AMMECR1: variants seen among roughly 807,000 people sequenced by gnomAD.
AMMECR1 encodes nuclear protein AMMECR1.
In AMMECR1, 3 loss-of-function variants were observed where a neutral mutation model predicts 22.5. The observed-to-expected ratio is 0.13, with a 90% CI of 0.06 to 0.35. AMMECR1 has a LOEUF of 0.35. Ranked by LOEUF, AMMECR1 falls within the 10% of genes least tolerant of loss-of-function variation. AMMECR1 has a pLI of 1.00. For synonymous variants in AMMECR1, 130 were observed against 116.7 expected, an observed-to-expected ratio of 1.11 and a Z score of -0.74; for missense variants, 235 against 278.7, an observed-to-expected ratio of 0.84 and a Z score of 1.12.
intron 3 of AMMECR1, among the ~76,000 whole-genome samples, chrX:110,203,585 C>T (rs994245213): frequency 3.6e-5 from 4 of 111,284 alleles, no homozygotes; most frequent in African/African-American, 1.3e-4. Context: ...AGTGGAGGGT[C>T]AGGTTGTGCA....
Position 110,264,865 on chromosome X carries a change from C to T in AMMECR1, c.474-266G>A, listed in dbSNP as rs190669242. 1.8e-3 allele frequency among the ~76,000 whole-genome samples: 205 copies of T among 111,525 alleles called. 1 individual carries two copies. The highest frequency in any genetic ancestry group is 6.4e-3 in the African/African-American group (198 of 30,734). ...ATTATGTTAGTCTTCATCAACAATTCTAGGAGGCTGATACTAACATTCCTA... is the reference window on the plus strand; with the variant it reads ...ATTATGTTAGTCTTCATCAACAATTTTAGGAGGCTGATACTAACATTCCTA... On this transcript the variant is annotated intron_variant, in intron 1 of 5. Coordinates refer to ENST00000262844, the MANE Select transcript of AMMECR1 (RefSeq NM_015365.3).
At chrX:110,429,467 T>G (rs1296173064) in intron 1 of AMMECR1, among the ~76,000 whole-genome samples, 18 of 79,949 alleles carry the variant, frequency 2.3e-4, no homozygotes, top group African/African-American at 6.1e-4. Context: ...TGTTTTTTTT[T>G]TTTTTTGTTT....
intron 2 of AMMECR1, among the ~76,000 whole-genome samples, chrX:110,254,418 G>A (rs1401732645): frequency 1.8e-5 from 2 of 111,283 alleles, no homozygotes; most frequent in African/African-American, 6.5e-5. Context: ...ATGTACATTA[G>A]TTTCAACTAT....
chrX:110,304,919 T>C (rs1239011202), intron 1 of AMMECR1, among the ~76,000 whole-genome samples: 1 of 112,199 alleles, frequency 8.9e-6, no homozygotes, highest in Non-Finnish European at 1.9e-5. Flanking sequence ...TTTCCATCTA[T>C]GAAAGTTCTA....
chrX:110,198,293 C>T lies in AMMECR1; in HGVS notation c.*227G>A. The T allele has an allele frequency of 4.2e-6, 1 of 239,450 alleles. No individual in the cohort carries two copies. Among genetic ancestry groups the T allele is most frequent in the East Asian group, 6.2e-5 (1 of 16,132 alleles). 19.7% of individuals were successfully genotyped at this position (239,450 alleles called of 1,213,427 possible). ...AAAAAACCCAAAATTATATATGCTG[C>T]AAAAAAAAAATCAACGATCTAAAAT... is the stretch of plus-strand genomic sequence containing the variant. On this transcript the variant is annotated 3_prime_UTR_variant, in exon 6 of 6. Transcript: ENST00000262844.
At chrX:110,223,448 C>T (rs1006889207) in intron 2 of AMMECR1, among the ~76,000 whole-genome samples, 5 of 111,537 alleles carry the variant, frequency 4.5e-5, no homozygotes, top group African/African-American at 1.6e-4. Context: ...GCTCTCGAGG[C>T]CTTGGCAAGA....
At chrX:110,342,250 A>G (rs1289576253) in intron 2 of AMMECR1, among the ~76,000 whole-genome samples, 1 of 111,997 alleles carries the variant, frequency 8.9e-6, no homozygotes, top group Non-Finnish European at 1.9e-5. Context: ...GTACAGTACT[A>G]TTTGCCATTT....
intron 2 of AMMECR1, among the ~76,000 whole-genome samples, chrX:110,384,727 C>T (rs1346512889): frequency 9.0e-6 from 1 of 110,762 alleles, no homozygotes; most frequent in Non-Finnish European, 1.9e-5. Context: ...GGCTGAGTCA[C>T]TATAAGAGCT....
At chrX:110,425,750 C>T (rs2068748575) in intron 2 of AMMECR1, among the ~76,000 whole-genome samples, 1 of 112,273 alleles carries the variant, frequency 8.9e-6, no homozygotes, top group Admixed American at 9.4e-5. Context: ...AAGTCATTTG[C>T]TCAAGATCAT....
At chrX:110,343,452 T>C (rs1227622531) in intron 2 of AMMECR1, among the ~76,000 whole-genome samples, 1 of 111,231 alleles carries the variant, frequency 9.0e-6, no homozygotes, top group East Asian at 2.8e-4. Context: ...ATGCCCTCTC[T>C]CACCACTCCT....
chrX:110,424,033 C>T (rs1040180778), intron 2 of AMMECR1, among the ~76,000 whole-genome samples: 1 of 111,662 alleles, frequency 9.0e-6, no homozygotes, highest in Non-Finnish European at 1.9e-5. Flanking sequence ...CTATGATATG[C>T]TTTATATACC....
At chrX:110,434,915 G>A (rs749714018) in intron 1 of AMMECR1, among the ~76,000 whole-genome samples, 36 of 109,452 alleles carry the variant, frequency 3.3e-4, no homozygotes, top group African/African-American at 7.3e-4. Context: ...GGGGACACCA[G>A]CCCGGAGTGA....
rs750351031 is a variant in AMMECR1 at position 110,248,385 on chromosome X, C to CA, written c.584+16103dup. On this transcript the variant is annotated intron_variant, in intron 2 of 5. Coordinates refer to ENST00000262844, the MANE Select transcript of AMMECR1 (RefSeq NM_015365.3). ...TGGGTGACAGAGCGAGATCCTGTCT[C>CA]AAAAAAAAAGAAAAGAAAAGAAAAG... 9.5e-3 allele frequency among the ~76,000 whole-genome samples: 938 copies of CA among 98,863 alleles called. 12 individuals carry two copies. The highest frequency in any genetic ancestry group is 0.033 in the African/African-American group (850 of 25,704). 85.9% of individuals were successfully genotyped at this position (98,863 alleles called of 115,157 possible).
At chrX:110,354,706 A>G (rs2068223728) in intron 2 of AMMECR1, among the ~76,000 whole-genome samples, 1 of 112,322 alleles carries the variant, frequency 8.9e-6, no homozygotes, top group Non-Finnish European at 1.9e-5. Context: ...AGTATTTATG[A>G]TAAATTGACT....
chrX:110,408,724 A>C (rs976015641), intron 2 of AMMECR1, among the ~76,000 whole-genome samples: 1 of 112,288 alleles, frequency 8.9e-6, no homozygotes, highest in African/African-American at 3.2e-5. Flanking sequence ...GTTTGTGTCC[A>C]TAACTGTTGC....
At chrX:110,361,524 T>C (rs919253547) in intron 2 of AMMECR1, among the ~76,000 whole-genome samples, 75 of 111,476 alleles carry the variant, frequency 6.7e-4, no homozygotes, top group African/African-American at 2.4e-3. Flanking sequence ...TGGCTTCCCA[T>C]CTGACACTCA....
intron 2 of AMMECR1, among the ~76,000 whole-genome samples, chrX:110,402,970 G>T (rs1028111571): frequency 3.6e-5 from 4 of 112,088 alleles, no homozygotes; most frequent in African/African-American, 1.3e-4. Context: ...TAGCCCCTAC[G>T]TGAAGCTGCT....
At chrX:110,275,988 T>A (rs2067824346) in intron 1 of AMMECR1, among the ~76,000 whole-genome samples, 1 of 111,351 alleles carries the variant, frequency 9.0e-6, no homozygotes, top group African/African-American at 3.3e-5. Context: ...TTCTGCCTAT[T>A]TCTCTCTCTC....
intron 2 of AMMECR1, among the ~76,000 whole-genome samples, chrX:110,410,645 C>T (rs762702469): frequency 8.9e-6 from 1 of 111,974 alleles, no homozygotes; most frequent in East Asian, 2.8e-4. Context: ...GGGGTAGCAG[C>T]TTTCCACAGA....
Sources: allele counts gnomAD v4.1 joint callset (sites outside exome capture counted in the v4.1 genomes callset), GRCh38; gene constraint gnomAD v4.1.1; transcripts MANE v1.5; gene names NCBI Gene and HGNC (gene_info 2026-07-23, HGNC 2026-07-21).